The following EPHB2 variants were observed in gnomAD, a reference collection of about 807,000 sequenced individuals.
EPHB2 encodes the protein ephrin type-B receptor 2.
A neutral mutation model predicts 96.4 loss-of-function variants in EPHB2; 18 were observed. That is an observed-to-expected ratio of 0.19 (90% CI 0.13 to 0.28). EPHB2 has a LOEUF of 0.28. EPHB2 is among the 10% of genes least tolerant of loss of function. The pLI is 1.00. For missense variants in EPHB2, 989 were observed against 1,355.4 expected (o/e 0.73, Z 4.25); for synonymous variants, 506 against 534.1 (o/e 0.95, Z 0.72).
chr1:22,711,615 G>T (rs1165981788), intron 1 of EPHB2, among the ~76,000 whole-genome samples: 1 of 151,880 alleles, frequency 6.6e-6, no homozygotes, highest in Admixed American at 6.5e-5. Flanking sequence ...CCTGCCCATC[G>T]CCCGCGGCGT....
intron 1 of EPHB2, among the ~76,000 whole-genome samples, chr1:22,741,687 A>C (rs550016942): frequency 9.1e-5 from 13 of 142,900 alleles, no homozygotes; most frequent in African/African-American, 2.8e-4. Context: ...AGCAAAAAAA[A>C]ACAAAAAAAC....
Position 22,790,491 on chromosome 1 carries a change from G to C in EPHB2, c.811+5415G>C, listed in dbSNP as rs1644675098. Among the ~76,000 whole-genome samples, 1 of 152,142 alleles carries C rather than the reference G, an allele frequency of 6.6e-6. No homozygotes were observed. Among genetic ancestry groups the C allele is most frequent in the Non-Finnish European group, 1.5e-5 (1 of 68,040 alleles). ...CTTTGCAGCAGCTGCCCGCACCCAA[G>C]TCTGTTTCTCTGACTCTTTCTAGAG... On this transcript the variant is annotated intron_variant, in intron 3 of 15. Transcript: ENST00000374630. This position sits in a 1 kb window ranked among gnomAD's most constrained non-coding sequence, Gnocchi z 4.0.
At chr1:22,871,075 C>G (rs150666302) in intron 5 of EPHB2, among the ~76,000 whole-genome samples, 13 of 152,156 alleles carry the variant, frequency 8.5e-5, no homozygotes, top group Non-Finnish European at 2.9e-5. Context: ...CCGTGCTAAG[C>G]CCTTAACACT....
At chr1:22,792,124 C>T (rs1644702623) in intron 3 of EPHB2, among the ~76,000 whole-genome samples, 1 of 152,018 alleles carries the variant, frequency 6.6e-6, no homozygotes, top group African/African-American at 2.4e-5. Context: ...TCCTCCTTCC[C>T]ACCCTGCTTT....
chr1:22,886,247 G>T (rs309476), intron 6 of EPHB2, among the ~76,000 whole-genome samples: 73,416 of 151,998 alleles, frequency 0.48, 18,117 homozygotes, highest in Non-Finnish European at 0.51. Context: ...ATCAGGAATC[G>T]CAGGTGCAAA....
chr1:22,899,142 G>A (rs773457459), intron 9 of EPHB2, among the ~76,000 whole-genome samples: 7 of 148,560 alleles, frequency 4.7e-5, no homozygotes, highest in East Asian at 2.0e-4. Flanking sequence ...GTGGTGAGCC[G>A]AGATTGTGCC....
intron 1 of EPHB2, among the ~76,000 whole-genome samples, chr1:22,711,910 C>T (rs1228369658): frequency 6.6e-6 from 1 of 152,234 alleles, no homozygotes; most frequent in Non-Finnish European, 1.5e-5. Context: ...TCTCCCGAGC[C>T]AGCTTGCTCT....
At chr1:22,897,127 C>T (rs906179216) in intron 9 of EPHB2, among the ~76,000 whole-genome samples, 7 of 152,110 alleles carry the variant, frequency 4.6e-5, no homozygotes, top group African/African-American at 9.7e-5. Context: ...TTTCTCCCAC[C>T]GTCCCATCCT....
intron 1 of EPHB2, among the ~76,000 whole-genome samples, chr1:22,763,218 T>A (rs1489622517): frequency 6.6e-6 from 1 of 152,224 alleles, no homozygotes; most frequent in East Asian, 1.9e-4. Flanking sequence ...GTTGCTTCAC[T>A]TCTCTGGGCC....
intron 3 of EPHB2, among the ~76,000 whole-genome samples, chr1:22,855,440 A>G (rs919269649): frequency 6.6e-6 from 1 of 152,206 alleles, no homozygotes; most frequent in Non-Finnish European, 1.5e-5. Flanking sequence ...CAAGGAAGGC[A>G]TCTCAGCCCC....
intron 6 of EPHB2, 85 bp from the exon 7 acceptor site, chr1:22,892,799 C>A: frequency 6.4e-7 from 1 of 1,551,710 alleles, no homozygotes; most frequent in Non-Finnish European, 8.9e-7. Context: ...GCCAGACCTG[C>A]CCCCAATGTG....
At position 22,785,051 on chromosome 1, in the gene EPHB2, C is replaced by T. The variant is rs932295801; in HGVS notation, c.786C>T (p.Ala262=). 8.7e-6 allele frequency: 14 copies of T among 1,613,484 alleles called. No homozygotes were observed. The highest frequency in any genetic ancestry group is 2.2e-5 in the East Asian group (1 of 44,898). The change falls in exon 3 of 16, where the codon GCC becomes GCT. Residue 262 remains alanine, a synonymous_variant. Coordinates refer to ENST00000374630, the MANE Select transcript of EPHB2 (RefSeq NM_017449.5). ...GCATGTGCAAAGCAGGCTTCGAGGC[C>T]GTTGAGAATGGCACCGTCTGCCGAG... ...GRCMCKAGFE[A]VENGTVCRGC...
At chr1:22,912,918 G>A in intron 15 of EPHB2, 1 of 395,710 alleles carries the variant, frequency 2.5e-6, no homozygotes, top group South Asian at 2.1e-5. Flanking sequence ...CTGGCAGCCG[G>A]GCACAGTGGC....
chr1:22,879,278 A>ATGG (rs950226480), intron 5 of EPHB2, among the ~76,000 whole-genome samples: 5 of 152,196 alleles, frequency 3.3e-5, no homozygotes, highest in Admixed American at 2.0e-4. Flanking sequence ...GTGGGGAGGC[A>ATGG]TGGGGATTGG....
intron 3 of EPHB2, among the ~76,000 whole-genome samples, chr1:22,802,796 TCAGCTCACGGAC>T (rs1340377101): frequency 6.6e-6 from 1 of 152,166 alleles, no homozygotes; most frequent in African/African-American, 2.4e-5. Context: ...GGTCTGACTC[TCAGCTCACGGAC>T]CAGCAAATGC....
At chr1:22,793,861 C>G (rs1557678197) in intron 3 of EPHB2, among the ~76,000 whole-genome samples, 1 of 152,108 alleles carries the variant, frequency 6.6e-6, no homozygotes, top group Non-Finnish European at 1.5e-5. Flanking sequence ...CACTAAGTAG[C>G]CAAGCTAGAA....
chr1:22,774,516 G>A (rs1037276767), intron 1 of EPHB2: 18 of 959,436 alleles, frequency 1.9e-5, no homozygotes, highest in South Asian at 4.8e-5. Flanking sequence ...AGGGCCAGGC[G>A]TTCCAGGCAG....
At chr1:22,811,625 C>T (rs1222342871) in intron 3 of EPHB2, among the ~76,000 whole-genome samples, 1 of 152,208 alleles carries the variant, frequency 6.6e-6, no homozygotes, top group Non-Finnish European at 1.5e-5. Flanking sequence ...CTAATTTCCC[C>T]TGAAATGTCA....
intron 1 of EPHB2, among the ~76,000 whole-genome samples, chr1:22,762,893 T>C (rs930618285): frequency 3.3e-5 from 5 of 152,154 alleles, no homozygotes; most frequent in Admixed American, 6.5e-5. Flanking sequence ...CCAGGAGTGC[T>C]GGTGCCCAGT....
Sources: allele counts gnomAD v4.1 joint callset (sites outside exome capture counted in the v4.1 genomes callset), GRCh38; gene constraint gnomAD v4.1.1; non-coding constraint Gnocchi (gnomAD v3.1); transcripts MANE v1.5; gene names NCBI Gene and HGNC (gene_info 2026-07-23, HGNC 2026-07-21).